Variants in LAMTOR3 observed in about 807,000 individuals in gnomAD.
The protein encoded by LAMTOR3 is ragulator complex protein LAMTOR3.
Under a neutral mutation model 20.3 loss-of-function variants are expected in LAMTOR3, and 14 were observed. The observed-to-expected ratio is 0.69, with a 90% CI of 0.46 to 1.08. The LOEUF (loss-of-function observed/expected upper bound fraction) is 1.08, where lower values mean the gene tolerates loss of function less well. Ranked by LOEUF, LAMTOR3 falls within the 50% of genes least tolerant of loss-of-function variation. LAMTOR3 has a pLI of 0.00. For missense variants in LAMTOR3, 125 were observed against 143.7 expected (o/e 0.87, Z 0.67); for synonymous variants, 40 against 49.4 (o/e 0.81, Z 0.80).
chr4:99,885,471 T>A (rs900608289), intron 5 of LAMTOR3, 71 bp downstream of exon 5: 25 of 1,305,204 alleles, frequency 1.9e-5, no homozygotes, highest in Non-Finnish European at 2.5e-5. Context: ...TAACACAAAC[T>A]ATTTTATATA....
chr4:99,885,677 T>C lies in LAMTOR3; in HGVS notation c.104-2A>G. 1.2e-6 allele frequency: 2 copies of C among 1,609,568 alleles called. No homozygotes were observed. The highest frequency in any genetic ancestry group is 1.7e-6 in the Non-Finnish European group (2 of 1,178,112). On this transcript the variant is annotated splice_acceptor_variant, in intron 4 of 6. Transcript: ENST00000499666. LOFTEE classifies it high-confidence loss of function. ...GCTCTGGAGCATTGTCATTTGCCACTAGAAAAATAAGTGATTTAAATAAAA... is the reference window on the plus strand; with the variant it reads ...GCTCTGGAGCATTGTCATTTGCCACCAGAAAAATAAGTGATTTAAATAAAA...
At chr4:99,882,279 C>T (rs564795900) in intron 6 of LAMTOR3, among the ~76,000 whole-genome samples, 2 of 152,220 alleles carry the variant, frequency 1.3e-5, no homozygotes, top group South Asian at 4.1e-4. Context: ...TTGTACAATA[C>T]TTACTATTTG....
chr4:99,880,605 A>AG lies in LAMTOR3; in HGVS notation c.*1388_*1389insC, dbSNP rs1560717772. The AG allele has an allele frequency of 2.0e-5, 3 of 152,750 alleles. No homozygotes were observed. 9.5% of individuals were successfully genotyped at this position (152,750 alleles called of 1,614,324 possible). ...AGCAAGACTCTGTCTCTTAAAAAAA[A>AG]AAAGAAAGAAAGAAAAAGCAGCACA... On this transcript the variant is annotated 3_prime_UTR_variant, in exon 7 of 7. Coordinates refer to ENST00000499666, the MANE Select transcript of LAMTOR3 (RefSeq NM_021970.4).
At chr4:99,886,538 T>C (rs889371238) in intron 4 of LAMTOR3, among the ~76,000 whole-genome samples, 18 of 152,234 alleles carry the variant, frequency 1.2e-4, no homozygotes, top group African/African-American at 4.3e-4. Flanking sequence ...AAGACATAGC[T>C]AACTCTCCAT....
chr4:99,894,205 T>C (rs1017845933), intron 1 of LAMTOR3, 130 bp downstream of exon 1: 15 of 390,514 alleles, frequency 3.8e-5, no homozygotes, highest in Non-Finnish European at 6.8e-5. Flanking sequence ...GCCCACCCCA[T>C]CCCTGCCCCT....
Position 99,878,556 on chromosome 4 carries a change from T to C in LAMTOR3, c.*3438A>G, listed in dbSNP as rs1724754404. ...CAATGTGATCAGGTTCTTCCATATATGTCTTCAGAGACAGTCTACCATATA... is the reference window on the plus strand; with the variant it reads ...CAATGTGATCAGGTTCTTCCATATACGTCTTCAGAGACAGTCTACCATATA... On this transcript the variant is annotated 3_prime_UTR_variant, in exon 7 of 7. Coordinates refer to ENST00000499666, the MANE Select transcript of LAMTOR3 (RefSeq NM_021970.4). The C allele has an allele frequency of 6.6e-6, 1 of 152,214 alleles. No homozygotes were observed. The highest frequency in any genetic ancestry group is 2.1e-4 in the South Asian group (1 of 4,832). 9.4% of individuals were successfully genotyped at this position (152,214 alleles called of 1,614,324 possible). A position where few individuals can be genotyped will look rare whatever the true frequency, so the allele number is the denominator to read the frequency against.
intron 2 of LAMTOR3, among the ~76,000 whole-genome samples, chr4:99,893,484 C>A (rs1725064184): frequency 6.6e-6 from 1 of 152,154 alleles, no homozygotes; most frequent in African/African-American, 2.4e-5. Flanking sequence ...CACACACACA[C>A]ACACACGTTA....
chr4:99,882,148 A>G, intron 6 of LAMTOR3, 81 bp from the exon 7 acceptor site: 1 of 788,974 alleles, frequency 1.3e-6, no homozygotes, highest in Non-Finnish European at 2.1e-6. Context: ...TATGTCCAAA[A>G]TACATAGTTA....
intron 4 of LAMTOR3, 92 bp downstream of exon 4, chr4:99,887,204 T>C (rs1186660228): frequency 8.0e-6 from 6 of 752,334 alleles, no homozygotes; most frequent in African/African-American, 1.9e-5. Context: ...AAAATGAATT[T>C]TATGTTTGCC....
chr4:99,885,509 A>T (rs773065343), intron 5 of LAMTOR3, 33 bp downstream of exon 5: 3 of 1,546,824 alleles, frequency 1.9e-6, no homozygotes, highest in Non-Finnish European at 2.6e-6. Flanking sequence ...TGACAACTGA[A>T]ATCAGCAAAT....
chr4:99,893,440 T>C (rs1023435517), intron 2 of LAMTOR3, among the ~76,000 whole-genome samples: 5 of 152,116 alleles, frequency 3.3e-5, no homozygotes, highest in Non-Finnish European at 4.4e-5. Context: ...GCACTTACTA[T>C]TCTCCAAACC....
rs1457585985 is a variant in LAMTOR3, at chr4:99,878,954, T to C, written c.*3040A>G. ...AGAATATACTTGTAAATACATACTT[T>C]TGCACATCTATGTGCTTTGTTTGGT... On this transcript the variant is annotated 3_prime_UTR_variant, in exon 7 of 7. Transcript: ENST00000499666. 1 of 152,226 alleles carries C rather than the reference T, an allele frequency of 6.6e-6. No individual in the cohort carries two copies. Among genetic ancestry groups the C allele is most frequent in the Non-Finnish European group, 1.5e-5 (1 of 68,028 alleles). The allele number at this position is 152,226 out of a possible 1,614,324, so 9.4% of individuals were successfully genotyped here. A position where few individuals can be genotyped will look rare whatever the true frequency, so the allele number is the denominator to read the frequency against.
rs1725074937 is a variant in LAMTOR3, at chr4:99,894,015, C to G, written c.-37-15G>C. 6.7e-7 allele frequency: 1 copy of G among 1,484,302 alleles called. No individual in the cohort carries two copies. The highest frequency in any genetic ancestry group is 9.1e-7 in the Non-Finnish European group (1 of 1,101,060). The allele number at this position is 1,484,302 out of a possible 1,614,324, so 91.9% of individuals were successfully genotyped here. ...AATCTCCACGCCTGGAAGAGAAACTCCCGGTGACTCTTCCCTCTTTGGCTT... is the reference window on the plus strand; with the variant it reads ...AATCTCCACGCCTGGAAGAGAAACTGCCGGTGACTCTTCCCTCTTTGGCTT... On this transcript the variant is annotated splice_polypyrimidine_tract_variant and intron_variant, in intron 1 of 6. Coordinates refer to ENST00000499666, the MANE Select transcript of LAMTOR3 (RefSeq NM_021970.4).
At chr4:99,888,082 A>T (rs931652703) in intron 3 of LAMTOR3, among the ~76,000 whole-genome samples, 2 of 152,216 alleles carry the variant, frequency 1.3e-5, no homozygotes, top group African/African-American at 4.8e-5. Context: ...AGCCATGCTT[A>T]CGTAAGAAGT....
intron 6 of LAMTOR3, among the ~76,000 whole-genome samples, chr4:99,882,936 T>G (rs1297994389): frequency 6.6e-6 from 1 of 152,062 alleles, no homozygotes; most frequent in Non-Finnish European, 1.5e-5. Context: ...ACAGAGCCTG[T>G]TTTATGTTCA....
rs917352080 is a variant in LAMTOR3, at chr4:99,894,348, G to A, written c.-51C>T. The stretch of plus-strand genomic sequence containing the variant: ...AGCGCCAGTTACCTGGGGTTTCTGG[G>A]CTGCCTGGTTCTCTCCGCTGTCACT... On this transcript the variant is annotated 5_prime_UTR_variant, in exon 1 of 7. Coordinates refer to ENST00000499666, the MANE Select transcript of LAMTOR3 (RefSeq NM_021970.4). The A allele has an allele frequency of 2.9e-5, 6 of 208,162 alleles. No individual in the cohort carries two copies. The highest frequency in any genetic ancestry group is 1.1e-4 in the African/African-American group (5 of 43,730). 12.9% of individuals were successfully genotyped at this position (208,162 alleles called of 1,614,324 possible).
At position 99,881,370 on chromosome 4, in the gene LAMTOR3, T is replaced by C. The variant is rs925348858; in HGVS notation, c.*624A>G. 9.9e-5 allele frequency: 15 copies of C among 152,126 alleles called. No individual in the cohort carries two copies. Among genetic ancestry groups the C allele is most frequent in the African/African-American group, 3.4e-4 (14 of 41,418 alleles). 9.4% of individuals were successfully genotyped at this position (152,126 alleles called of 1,614,324 possible). On this transcript the variant is annotated 3_prime_UTR_variant, in exon 7 of 7. Coordinates refer to ENST00000499666, the MANE Select transcript of LAMTOR3 (RefSeq NM_021970.4). ...ACTGATTGGTTACAGAAAGCAGAGT[T>C]TGAGGAAAAAACATTAGCTATAATT...
intron 4 of LAMTOR3, 90 bp downstream of exon 4, chr4:99,887,204 TTA>T: frequency 2.7e-6 from 2 of 752,452 alleles, no homozygotes; most frequent in South Asian, 2.0e-5. Flanking sequence ...AAAATGAATT[TTA>T]TGTTTGCCTG....
In LAMTOR3 at chr4:99,893,974, C is replaced by A. The variant is rs1725073719; in HGVS notation, c.-11G>T. ...ACTCACATCCGCCATGATGAACCCC[C>A]TTCTCTCGCAGGATCAATCTCCACG... On this transcript the variant is annotated 5_prime_UTR_variant, in exon 2 of 7. In the 5' UTR this introduces an upstream ATG that the reference lacks. Transcript: ENST00000499666. 2 of 1,551,600 alleles carry A rather than the reference C, an allele frequency of 1.3e-6. No homozygotes were observed. Among genetic ancestry groups the A allele is most frequent in the Admixed American group, 1.8e-5 (1 of 54,738 alleles).
Sources: allele counts gnomAD v4.1 joint callset (sites outside exome capture counted in the v4.1 genomes callset), GRCh38; gene constraint gnomAD v4.1.1; transcripts MANE v1.5; gene names NCBI Gene and HGNC (gene_info 2026-07-23, HGNC 2026-07-21).